Variants in RNF182 observed in about 807,000 individuals in gnomAD.
RNF182 encodes E3 ubiquitin-protein ligase RNF182.
Under a neutral mutation model 14.4 loss-of-function variants are expected in RNF182, and 15 were observed. The observed-to-expected ratio is 1.04, with a 90% confidence interval of 0.70 to 1.60. The LOEUF (loss-of-function observed/expected upper bound fraction) is 1.60, where lower values mean the gene tolerates loss of function less well. Ranked by LOEUF, RNF182 falls within the 40% of genes most tolerant of loss-of-function variation. The pLI, the probability that RNF182 is intolerant of heterozygous loss-of-function variation, is 0.00. For missense variants in RNF182, 268 were observed against 294.8 expected (o/e 0.91, Z 0.67); for synonymous variants, 128 against 122.9 (o/e 1.04, Z -0.27).
At chr6:13,940,775 G>A (rs1423947576) in intron 1 of RNF182, among the ~76,000 whole-genome samples, 1 of 151,918 alleles carries the variant, frequency 6.6e-6, no homozygotes, top group Non-Finnish European at 1.5e-5. Flanking sequence ...CTTAAATTCT[G>A]TCACATTTTT....
intron 1 of RNF182, among the ~76,000 whole-genome samples, chr6:13,940,560 T>C (rs1297246275): frequency 1.3e-5 from 2 of 152,122 alleles, no homozygotes; most frequent in African/African-American, 4.8e-5. Flanking sequence ...AGTGAACTTA[T>C]TTTGACTTTT....
intron 1 of RNF182, among the ~76,000 whole-genome samples, chr6:13,954,580 G>A (rs1454143486): frequency 6.6e-6 from 1 of 151,420 alleles, no homozygotes; most frequent in Non-Finnish European, 1.5e-5. Context: ...TTTTTTTTTA[G>A]CTCTTTGGGT....
intron 1 of RNF182, among the ~76,000 whole-genome samples, chr6:13,945,280 T>C (rs545171601): frequency 6.6e-6 from 1 of 152,206 alleles, no homozygotes; most frequent in Non-Finnish European, 1.5e-5. Context: ...CCAAAAATTA[T>C]TGTGGCCCAC....
chr6:13,939,874 C>G (rs991849495), intron 1 of RNF182, among the ~76,000 whole-genome samples: 18 of 152,188 alleles, frequency 1.2e-4, no homozygotes, highest in African/African-American at 4.3e-4. Flanking sequence ...GACCTTGATT[C>G]TAGGGATTTT....
intron 1 of RNF182, among the ~76,000 whole-genome samples, chr6:13,937,752 GGTGGT>G (rs556849097): frequency 2.0e-3 from 308 of 152,234 alleles, no homozygotes; most frequent in African/African-American, 7.1e-3. Flanking sequence ...CAGTTGTCCA[GGTGGT>G]TATATCGGCG....
At chr6:13,970,935 T>G (rs1760158138) in intron 1 of RNF182, among the ~76,000 whole-genome samples, 1 of 152,182 alleles carries the variant, frequency 6.6e-6, no homozygotes, top group Non-Finnish European at 1.5e-5. Flanking sequence ...TTCTATTTCC[T>G]TTCCTTTCCT....
chr6:13,962,043 T>C (rs568305057), intron 1 of RNF182, among the ~76,000 whole-genome samples: 4 of 152,224 alleles, frequency 2.6e-5, no homozygotes, highest in Admixed American at 6.5e-5. Flanking sequence ...GTAAAACCCT[T>C]AATTCTGAGA....
At chr6:13,971,508 C>T (rs778600254) in intron 1 of RNF182, among the ~76,000 whole-genome samples, 5 of 152,120 alleles carry the variant, frequency 3.3e-5, no homozygotes, top group African/African-American at 9.7e-5. Flanking sequence ...GAGTGGGGTA[C>T]TGCTATAAGG....
At chr6:13,970,761 A>G (rs1760154380) in intron 1 of RNF182, among the ~76,000 whole-genome samples, 1 of 152,208 alleles carries the variant, frequency 6.6e-6, no homozygotes, top group Admixed American at 6.5e-5. Context: ...GTGACATTTC[A>G]ATTTTGTGAA....
intron 1 of RNF182, among the ~76,000 whole-genome samples, chr6:13,941,067 G>A (rs1428460917): frequency 6.6e-6 from 1 of 151,836 alleles, no homozygotes; most frequent in East Asian, 1.9e-4. Context: ...AGAATTTGGT[G>A]CACATAGATT....
intron 1 of RNF182, among the ~76,000 whole-genome samples, chr6:13,942,451 C>T (rs979336904): frequency 6.6e-6 from 1 of 152,194 alleles, no homozygotes; most frequent in Non-Finnish European, 1.5e-5. Context: ...AGGTGATCCT[C>T]CTGCCTCAGC....
intron 1 of RNF182, among the ~76,000 whole-genome samples, chr6:13,954,508 A>G (rs1004630243): frequency 2.0e-5 from 3 of 152,196 alleles, no homozygotes; most frequent in African/African-American, 7.2e-5. Flanking sequence ...GTTCAACAAA[A>G]ATTCATAAAC....
In RNF182 at chr6:13,978,136, A is replaced by C. The variant is rs1281287397; in HGVS notation, c.*273A>C. ...GAGAAAGGACAGGGTTTCTCTCAGC[A>C]CTGCCAGACAGACGGCAGGGGTGTG... On this transcript the variant is annotated 3_prime_UTR_variant, in exon 3 of 3. Coordinates refer to ENST00000488300, the MANE Select transcript of RNF182 (RefSeq NM_152737.4). 5.3e-6 allele frequency: 2 copies of C among 379,494 alleles called. No individual in the cohort carries two copies. Among genetic ancestry groups the C allele is most frequent in the South Asian group, 8.6e-5 (2 of 23,194 alleles). The allele number at this position is 379,494 out of a possible 1,614,324, so 23.5% of individuals were successfully genotyped here. A position where few individuals can be genotyped will look rare whatever the true frequency, so the allele number is the denominator to read the frequency against.
intron 1 of RNF182, among the ~76,000 whole-genome samples, chr6:13,955,933 G>A (rs1759717851): frequency 6.6e-6 from 1 of 151,982 alleles, no homozygotes; most frequent in South Asian, 2.1e-4. Context: ...AAAATATATG[G>A]TTTTCAAATT....
At chr6:13,976,531 T>C (rs1249498007) in intron 2 of RNF182, among the ~76,000 whole-genome samples, 2 of 152,244 alleles carry the variant, frequency 1.3e-5, no homozygotes, top group African/African-American at 2.4e-5. Flanking sequence ...AACAATACTC[T>C]GAATTAGTTT....
chr6:13,929,109 G>A (rs1248667400), intron 1 of RNF182, among the ~76,000 whole-genome samples: 1 of 152,104 alleles, frequency 6.6e-6, no homozygotes, highest in Non-Finnish European at 1.5e-5. Flanking sequence ...CTCTTGAATT[G>A]TGGTTTAAGT....
chr6:13,975,972 A>G (rs1760311982), intron 2 of RNF182, among the ~76,000 whole-genome samples: 1 of 152,248 alleles, frequency 6.6e-6, no homozygotes, highest in Non-Finnish European at 1.5e-5. Flanking sequence ...TATGAAATTA[A>G]CCTTCAACCA....
At chr6:13,935,108 C>A (rs1443517704) in intron 1 of RNF182, among the ~76,000 whole-genome samples, 1 of 152,170 alleles carries the variant, frequency 6.6e-6, no homozygotes, top group African/African-American at 2.4e-5. Context: ...TAGAAATATT[C>A]TTCCATGTAG....
intron 1 of RNF182, among the ~76,000 whole-genome samples, chr6:13,941,411 T>TATAA (rs1462886130): frequency 1.3e-5 from 2 of 152,160 alleles, no homozygotes; most frequent in Non-Finnish European, 2.9e-5. Flanking sequence ...TCTTCTTATA[T>TATAA]ACTTTAAATT....
Sources: allele counts gnomAD v4.1 joint callset (sites outside exome capture counted in the v4.1 genomes callset), GRCh38; gene constraint gnomAD v4.1.1; transcripts MANE v1.5; gene names NCBI Gene and HGNC (gene_info 2026-07-23, HGNC 2026-07-21).